DIS3L2: variants seen among roughly 807,000 people sequenced by gnomAD.
DIS3L2 encodes the protein DIS3 like 3'-5' exoribonuclease 2, also known as DIS3-like exonuclease 2.
DIS3L2 carries 34 observed loss-of-function variants against 97.5 expected under a neutral mutation model. The observed-to-expected ratio is 0.35, with a 90% CI of 0.27 to 0.46. The LOEUF (loss-of-function observed/expected upper bound fraction) is 0.46. Among genes scored for constraint, DIS3L2 ranks in the 20% least tolerant of loss-of-function variants. The pLI is 1.00. For synonymous variants in DIS3L2, 435 were observed against 445.2 expected (o/e 0.98, Z 0.29); for missense variants, 1,038 against 1,146.0 (o/e 0.91, Z 1.36).
intron 1 of DIS3L2, among the ~76,000 whole-genome samples, chr2:231,986,192 G>T (rs1254465215): frequency 6.6e-6 from 1 of 152,174 alleles, no homozygotes; most frequent in Non-Finnish European, 1.5e-5. Context: ...TTTGGACATG[G>T]ACTGAGCCAC....
At chr2:232,332,380 G>C (rs113723142) in intron 16 of DIS3L2, among the ~76,000 whole-genome samples, 2 of 152,182 alleles carry the variant, frequency 1.3e-5, no homozygotes, top group African/African-American at 2.4e-5. Flanking sequence ...ACAGAGTAAC[G>C]GGAGCCGGCT....
intron 5 of DIS3L2, among the ~76,000 whole-genome samples, chr2:232,041,887 C>T (rs139108418): frequency 1.3e-5 from 2 of 152,278 alleles, no homozygotes; most frequent in East Asian, 1.9e-4. Flanking sequence ...TGTATTTGTG[C>T]AGCACCTGCA....
Position 232,087,686 on chromosome 2 carries a change from G to T in DIS3L2, c.566G>T (p.Gly189Val), listed in dbSNP as rs755258805. 1.3e-5 allele frequency: 21 copies of T among 1,614,154 alleles called. No homozygotes were observed. The Middle Eastern group carries it at 9.9e-4, about 76-fold the overall frequency. ...ATCACACAAAATGTGCTGGTTGATG[G>T]TGTTAAGAAACTCTCAGTTTGTGTT... ...HGITQNVLVD[G>V]VKKLSVCVSE... Residue 189 changes from glycine to valine, a missense_variant, in exon 6 of 21, where the codon GGT becomes GTT. By Grantham distance (109) the Gly-to-Val change is moderately radical (BLOSUM62 -3). Coordinates refer to ENST00000325385, the MANE Select transcript of DIS3L2 (RefSeq NM_152383.5).
intron 1 of DIS3L2, among the ~76,000 whole-genome samples, chr2:231,991,937 C>T (rs547340903): frequency 6.6e-6 from 1 of 152,298 alleles, no homozygotes; most frequent in East Asian, 1.9e-4. Flanking sequence ...AGGCTCTACA[C>T]TCTTGGAATT....
chr2:232,104,931 C>T (rs1037435395), intron 6 of DIS3L2, among the ~76,000 whole-genome samples: 1 of 152,124 alleles, frequency 6.6e-6, no homozygotes, highest in East Asian at 1.9e-4. Flanking sequence ...CATCCTCCCA[C>T]CTAAGCCTCC....
In DIS3L2 at chr2:232,140,144, C is replaced by T. The variant is rs142696387; in HGVS notation, c.950+3425C>T. ...AACTTTTGCACATTACACTTCCTTT[C>T]CTAACAGTGGCTTTCTCCTTCCTCT... On this transcript the variant is annotated intron_variant, in intron 8 of 20. Coordinates refer to ENST00000325385, the MANE Select transcript of DIS3L2 (RefSeq NM_152383.5). 2.0e-4 allele frequency among the ~76,000 whole-genome samples: 30 copies of T among 152,288 alleles called. No individual in the cohort carries two copies. In the South Asian group the frequency reaches 4.4e-3, roughly 22 times the overall value.
intron 13 of DIS3L2, among the ~76,000 whole-genome samples, chr2:232,285,826 C>T (rs1478857532): frequency 3.9e-5 from 6 of 152,180 alleles, no homozygotes; most frequent in African/African-American, 1.4e-4. Flanking sequence ...TACTGCTTAT[C>T]ACGGGGCCCT....
intron 1 of DIS3L2, among the ~76,000 whole-genome samples, chr2:231,976,439 C>T (rs574706435): frequency 2.0e-5 from 3 of 152,006 alleles, no homozygotes; most frequent in Admixed American, 1.3e-4. Context: ...AGACCAACCT[C>T]GGTAACGTGA....
At chr2:232,248,584 C>T (rs567635085) in intron 11 of DIS3L2, among the ~76,000 whole-genome samples, 51 of 152,144 alleles carry the variant, frequency 3.4e-4, no homozygotes, top group African/African-American at 1.2e-3. Context: ...GAGTATATAC[C>T]GTTGACTCAG....
Position 232,136,484 on chromosome 2 carries a change from T to C in DIS3L2, c.715T>C (p.Leu239=), listed in dbSNP as rs1306231743. The C allele has an allele frequency of 1.9e-6, 3 of 1,613,992 alleles. No homozygotes were observed. In the South Asian group the frequency reaches 3.3e-5, roughly 18 times the overall value. ...LQRSAKVVYI[L]EKKHSRAATG... is the part of the protein sequence containing the mutation. Reference sequence around the variant, plus strand: ...TTGGTGTTTTTAGGTGGTTTACATCTTGGAGAAAAAACATTCTCGAGCAGC... The same window carrying C: ...TTGGTGTTTTTAGGTGGTTTACATCCTGGAGAAAAAACATTCTCGAGCAGC... Residue 239 remains leucine, a synonymous_variant, in exon 8 of 21, where the codon TTG becomes CTG. Coordinates refer to ENST00000325385, the MANE Select transcript of DIS3L2 (RefSeq NM_152383.5).
At chr2:232,222,988 C>T (rs1395356342) in intron 10 of DIS3L2, among the ~76,000 whole-genome samples, 1 of 152,216 alleles carries the variant, frequency 6.6e-6, no homozygotes, top group Non-Finnish European at 1.5e-5. Flanking sequence ...TCCTATGTTC[C>T]ATTCAAATCT....
chr2:232,003,188 G>T (rs1693955891), intron 1 of DIS3L2, among the ~76,000 whole-genome samples: 1 of 152,174 alleles, frequency 6.6e-6, no homozygotes, highest in South Asian at 2.1e-4. Context: ...CTCCAATCTA[G>T]AGGTTACCCT....
intron 13 of DIS3L2, among the ~76,000 whole-genome samples, chr2:232,275,832 G>A (rs1466135714): frequency 6.6e-6 from 1 of 152,176 alleles, no homozygotes; most frequent in Non-Finnish European, 1.5e-5. Context: ...AAGACGTAGA[G>A]GCAGATGGGA....
intron 5 of DIS3L2, among the ~76,000 whole-genome samples, chr2:232,086,403 A>G (rs1353197333): frequency 2.1e-5 from 3 of 141,818 alleles, no homozygotes; most frequent in Non-Finnish European, 3.1e-5. Context: ...ATATGTGTAT[A>G]TATACATATA....
intron 9 of DIS3L2, 66 bp downstream of exon 9, chr2:232,163,698 G>T: frequency 6.6e-7 from 1 of 1,504,044 alleles, no homozygotes; most frequent in East Asian, 2.4e-5. Flanking sequence ...TAGGGGCTAG[G>T]CTTAGATGTT....
chr2:232,106,968 A>T (rs367755306), intron 6 of DIS3L2, among the ~76,000 whole-genome samples: 1 of 152,242 alleles, frequency 6.6e-6, no homozygotes, highest in South Asian at 2.1e-4. Context: ...AAATTATGCA[A>T]CCACATGGAA....
chr2:232,333,185 TCC>T (rs1559218481), intron 16 of DIS3L2, among the ~76,000 whole-genome samples: 20 of 7,558 alleles, frequency 2.6e-3, no homozygotes, highest in South Asian at 0.014. Context: ...CGCCTCCTCC[TCC>T]TCCTCCTCCT....
chr2:232,263,118 T>C (rs1693756845), intron 12 of DIS3L2, 89 bp from the exon 13 acceptor site: 1 of 1,341,464 alleles, frequency 7.5e-7, no homozygotes. Flanking sequence ...TAAATCTTTG[T>C]TGAATGTGTA....
At chr2:232,221,436 C>T (rs1292450206) in intron 10 of DIS3L2, among the ~76,000 whole-genome samples, 1 of 152,180 alleles carries the variant, frequency 6.6e-6, no homozygotes, top group Non-Finnish European at 1.5e-5. Flanking sequence ...CAGGATTCAG[C>T]TCACTGAAGA....
Sources: gnomAD v4.1 joint callset for allele counts (sites outside exome capture counted in the v4.1 genomes callset) on GRCh38, gnomAD v4.1.1 for gene constraint, MANE v1.5 for transcripts, NCBI Gene and HGNC (gene_info 2026-07-23, HGNC 2026-07-21) for gene names.